WFDC1: variants seen among roughly 807,000 people sequenced by gnomAD.
The protein encoded by WFDC1 is WAP four-disulfide core domain protein 1.
In WFDC1, 39 loss-of-function variants were observed where a neutral mutation model predicts 32.9. The observed-to-expected ratio is 1.19, with a 90% CI of 0.92 to 1.55. The LOEUF is 1.55. Ranked by LOEUF, WFDC1 falls within the 40% of genes most tolerant of loss-of-function variation. The probability of loss-of-function intolerance (pLI) is 0.00; values close to 1 mark genes in which losing one functional copy is unlikely to be tolerated. For missense variants in WFDC1, 386 were observed against 309.5 expected, an observed-to-expected ratio of 1.25 and a Z score of -1.85; for synonymous variants, 184 against 137.4, an observed-to-expected ratio of 1.34 and a Z score of -2.37.
intron 2 of WFDC1, among the ~76,000 whole-genome samples, chr16:84,315,759 C>A (rs372181081): frequency 6.6e-6 from 1 of 152,208 alleles, no homozygotes; most frequent in Admixed American, 6.5e-5. Flanking sequence ...GGAACAAAAT[C>A]GCTCTGCATT....
At chr16:84,328,477 C>G (rs553058792) in intron 6 of WFDC1, 1 of 152,210 alleles carries the variant, frequency 6.6e-6, no homozygotes, top group Non-Finnish European at 1.5e-5. Flanking sequence ...AGAATCCTCC[C>G]GGAAAATCTG....
At chr16:84,297,687 C>G (rs12443886) in intron 1 of WFDC1, among the ~76,000 whole-genome samples, 18,946 of 149,274 alleles carry the variant, frequency 0.13, 1,588 homozygotes, top group Non-Finnish European at 0.19. Flanking sequence ...ACAGGCTGTT[C>G]GCCTGTGGCT....
chr16:84,319,574 G>T lies in WFDC1; in HGVS notation c.562+3G>T, dbSNP rs751275265. ...CGTCAAGCAGCGCCGGCAAGCAGGT[G>T]AGTGTGGCACCCCAGCCCTGATCCT... is the stretch of plus-strand genomic sequence containing the variant. On this transcript the variant is annotated splice_donor_region_variant and intron_variant, in intron 4 of 6. Transcript: ENST00000219454. 9.2e-5 allele frequency: 148 copies of T among 1,611,612 alleles called. No individual in the cohort carries two copies. The highest frequency in any genetic ancestry group is 1.2e-4 in the Non-Finnish European group (146 of 1,179,860).
chr16:84,315,644 T>C (rs1169069920), intron 2 of WFDC1, among the ~76,000 whole-genome samples: 2 of 152,210 alleles, frequency 1.3e-5, no homozygotes, highest in Non-Finnish European at 2.9e-5. Context: ...CACTGTAGGA[T>C]GGTCAGCGGC....
intron 1 of WFDC1, among the ~76,000 whole-genome samples, chr16:84,310,938 G>C (rs1907579734): frequency 6.6e-6 from 1 of 152,196 alleles, no homozygotes; most frequent in South Asian, 2.1e-4. Flanking sequence ...GGGGAGGTAA[G>C]TAGGTGAAGC....
At chr16:84,319,341 C>G in intron 3 of WFDC1, 90 bp from the exon 4 acceptor site, 1 of 1,534,648 alleles carries the variant, frequency 6.5e-7, no homozygotes, top group Non-Finnish European at 8.8e-7. Flanking sequence ...GTTCCCTGCA[C>G]CCGTCCCGGG....
At chr16:84,304,271 C>A (rs1050233398) in intron 1 of WFDC1, among the ~76,000 whole-genome samples, 2 of 152,226 alleles carry the variant, frequency 1.3e-5, no homozygotes, top group Middle Eastern at 3.4e-3. Context: ...CTCTTGTCAC[C>A]CAGGCTGGAT....
intron 1 of WFDC1, 68 bp downstream of exon 1, chr16:84,295,183 T>C: frequency 6.4e-7 from 1 of 1,573,368 alleles, no homozygotes; most frequent in Non-Finnish European, 8.6e-7. Flanking sequence ...GGAGAGGCGA[T>C]CCCTAGACAC....
At chr16:84,327,051 G>A in intron 6 of WFDC1, 96 bp downstream of exon 6, 1 of 1,220,138 alleles carries the variant, frequency 8.2e-7, no homozygotes, top group South Asian at 1.2e-5. Flanking sequence ...AGGAGGGTGA[G>A]AGTAGCGCTT....
intron 1 of WFDC1, among the ~76,000 whole-genome samples, chr16:84,300,305 G>A (rs1441350743): frequency 6.6e-6 from 1 of 152,252 alleles, no homozygotes. Flanking sequence ...CTCAACTTTG[G>A]TGGGACACGA....
intron 1 of WFDC1, among the ~76,000 whole-genome samples, chr16:84,309,310 G>T (rs1197543978): frequency 6.6e-6 from 1 of 152,188 alleles, no homozygotes; most frequent in Non-Finnish European, 1.5e-5. Flanking sequence ...GGGCTCGGAG[G>T]TCGAGTGGGG....
In WFDC1 at chr16:84,318,396, G is replaced by T. The variant is rs199522401; in HGVS notation, c.421+41G>T. The T allele has an allele frequency of 5.6e-6, 9 of 1,594,622 alleles. No individual in the cohort carries two copies. In the Middle Eastern group the frequency reaches 5.2e-4, roughly 91 times the overall value. On this transcript the variant is annotated intron_variant, in intron 3 of 6. Coordinates refer to ENST00000219454, the MANE Select transcript of WFDC1 (RefSeq NM_021197.4). ...AGCCCAGACCCTACATCCAAGCCTC[G>T]ATCCCTCCTTCTCAGCTGCTTCCAG... is the stretch of plus-strand genomic sequence containing the variant.
At chr16:84,317,531 C>G (rs763171840) in intron 2 of WFDC1, 4 of 151,994 alleles carry the variant, frequency 2.6e-5, no homozygotes, top group Non-Finnish European at 5.9e-5. Context: ...CGACCCCTGC[C>G]TTTTGAAGGC....
In WFDC1 at chr16:84,318,254, G is replaced by C. The variant is rs756568107; in HGVS notation, c.338-18G>C. On this transcript the variant is annotated intron_variant, in intron 2 of 6. Transcript: ENST00000219454. ...AGCTGCTTGAGGAGGGCCCTGATCT[G>C]ACCCCGTATTGTGTTAGTCTTAGAC... The C allele has an allele frequency of 6.2e-7, 1 of 1,613,776 alleles. No homozygotes were observed. Among genetic ancestry groups the C allele is most frequent in the Non-Finnish European group, 8.5e-7 (1 of 1,179,838 alleles).
At chr16:84,322,689 C>T (rs1310560539) in intron 4 of WFDC1, among the ~76,000 whole-genome samples, 2 of 152,188 alleles carry the variant, frequency 1.3e-5, no homozygotes, top group Admixed American at 6.5e-5. Flanking sequence ...CAAGTTTGAC[C>T]ATCCAGCACC....
intron 2 of WFDC1, chr16:84,316,575 C>T (rs1356311182): frequency 6.6e-6 from 1 of 152,000 alleles, no homozygotes; most frequent in African/African-American, 2.4e-5. Flanking sequence ...GCCTGGGCAA[C>T]ATAGGGAGAC....
At chr16:84,302,359 T>A (rs966995223) in intron 1 of WFDC1, among the ~76,000 whole-genome samples, 5 of 151,926 alleles carry the variant, frequency 3.3e-5, no homozygotes, top group Non-Finnish European at 5.9e-5. Context: ...AAATGGAAAA[T>A]TGCATGTTAT....
chr16:84,310,109 C>T (rs1828911551), intron 1 of WFDC1, among the ~76,000 whole-genome samples: 2 of 152,046 alleles, frequency 1.3e-5, no homozygotes, highest in Admixed American at 1.3e-4. Context: ...GCTCGAGGCC[C>T]TCCCTTGAAG....
chr16:84,303,409 A>T (rs1377076007), intron 1 of WFDC1, among the ~76,000 whole-genome samples: 2 of 151,670 alleles, frequency 1.3e-5, no homozygotes, highest in Non-Finnish European at 2.9e-5. Context: ...TGGAGATTGG[A>T]TTCTTTTTCC....
Sources: gnomAD v4.1 joint callset for allele counts (sites outside exome capture counted in the v4.1 genomes callset) on GRCh38, gnomAD v4.1.1 for gene constraint, MANE v1.5 for transcripts, NCBI Gene and HGNC (gene_info 2026-07-23, HGNC 2026-07-21) for gene names.